The following STK39 variants were observed in gnomAD, a reference collection of about 807,000 sequenced individuals.
The protein encoded by STK39 is STE20/SPS1-related proline-alanine-rich protein kinase.
A neutral mutation model predicts 77.8 loss-of-function variants in STK39; 20 were observed. The ratio of observed to expected loss-of-function variants is 0.26; its 90% CI spans 0.18 to 0.37. The LOEUF (loss-of-function observed/expected upper bound fraction) is 0.37, where lower values mean the gene tolerates loss of function less well. Among genes scored for constraint, STK39 ranks in the 10% least tolerant of loss-of-function variants. The pLI is 1.00. For synonymous variants in STK39, 246 were observed against 234.1 expected, an observed-to-expected ratio of 1.05 and a Z score of -0.47; for missense variants, 479 against 656.5, an observed-to-expected ratio of 0.73 and a Z score of 2.95.
intron 1 of STK39, among the ~76,000 whole-genome samples, chr2:168,214,319 A>G (rs1033644701): frequency 6.6e-6 from 1 of 152,246 alleles, no homozygotes; most frequent in Non-Finnish European, 1.5e-5. Context: ...TTAGATCTCA[A>G]TAAAGATTGA....
intron 1 of STK39, among the ~76,000 whole-genome samples, chr2:168,190,119 C>A (rs1280646561): frequency 6.6e-6 from 1 of 152,162 alleles, no homozygotes; most frequent in East Asian, 1.9e-4. Context: ...TCTCCTCCGG[C>A]CTTATTATTC....
At chr2:168,029,567 G>A (rs1468689252) in intron 14 of STK39, among the ~76,000 whole-genome samples, 5 of 152,136 alleles carry the variant, frequency 3.3e-5, no homozygotes, top group Admixed American at 3.3e-4. Flanking sequence ...TACATCAGAA[G>A]CACATTGTTT....
intron 14 of STK39, among the ~76,000 whole-genome samples, chr2:168,057,242 G>C (rs1685549374): frequency 6.6e-6 from 1 of 152,174 alleles, no homozygotes. Context: ...GCCCAGGCTA[G>C]AGTGCAGTGG....
In STK39 at chr2:168,017,050, T is replaced by G; in HGVS notation, c.1422A>C (p.Pro474=). ...ELNDIRFEFT[P]GRDTADGVSQ... ...ACTTCAATTAAAACTTACCTCTTCC[T>G]GGAGTAAACTCAAATCGTATGTCAT... is the stretch of plus-strand genomic sequence containing the variant. The change falls in exon 15 of 18, where the codon CCA becomes CCC. Residue 474 remains proline (P), a synonymous_variant. Transcript: ENST00000355999. 4 of 1,605,980 alleles carry G rather than the reference T, an allele frequency of 2.5e-6. No homozygotes were observed. Among genetic ancestry groups the G allele is most frequent in the Non-Finnish European group, 3.4e-6 (4 of 1,176,034 alleles).
intron 1 of STK39, among the ~76,000 whole-genome samples, chr2:168,195,653 T>C (rs1343171191): frequency 1.3e-5 from 2 of 152,230 alleles, no homozygotes; most frequent in Admixed American, 6.5e-5. Flanking sequence ...CTTTGTTACA[T>C]GCCAAAGATA....
intron 1 of STK39, among the ~76,000 whole-genome samples, chr2:168,203,236 G>A (rs1574552243): frequency 6.6e-6 from 1 of 152,226 alleles, no homozygotes; most frequent in Middle Eastern, 3.4e-3. Flanking sequence ...AGAGTTAGAG[G>A]GGTTCTGCCT....
At chr2:168,141,195 A>G (rs1687971728) in intron 5 of STK39, among the ~76,000 whole-genome samples, 1 of 152,234 alleles carries the variant, frequency 6.6e-6, no homozygotes, top group Non-Finnish European at 1.5e-5. Flanking sequence ...CATTATATAT[A>G]GAAGTTAATT....
chr2:168,073,257 T>C (rs1685986821), intron 12 of STK39, among the ~76,000 whole-genome samples: 1 of 152,216 alleles, frequency 6.6e-6, no homozygotes, highest in African/African-American at 2.4e-5. Flanking sequence ...AGTAAGAGAT[T>C]ATCCTAAATC....
chr2:168,151,956 T>G (rs1027122968), intron 5 of STK39, among the ~76,000 whole-genome samples: 1 of 152,104 alleles, frequency 6.6e-6, no homozygotes, highest in Non-Finnish European at 1.5e-5. Flanking sequence ...TTGAACAAAA[T>G]GGCAAACCAC....
At chr2:168,174,711 T>C (rs1232515905) in intron 2 of STK39, among the ~76,000 whole-genome samples, 1 of 150,342 alleles carries the variant, frequency 6.7e-6, no homozygotes, top group Non-Finnish European at 1.5e-5. Context: ...AAAACAGAAA[T>C]AGATGGCCGG....
intron 17 of STK39, among the ~76,000 whole-genome samples, chr2:167,962,511 C>A (rs2105526191): frequency 6.6e-6 from 1 of 152,298 alleles, no homozygotes; most frequent in South Asian, 2.1e-4. Context: ...CCATCTTTAT[C>A]TTTGGGGAGA....
At chr2:168,104,448 C>T (rs969540934) in intron 10 of STK39, among the ~76,000 whole-genome samples, 3 of 152,094 alleles carry the variant, frequency 2.0e-5, no homozygotes, top group African/African-American at 7.2e-5. Context: ...AGTGTGAATA[C>T]ACCACAAAAA....
chr2:168,219,086 T>C (rs1164096523), intron 1 of STK39, among the ~76,000 whole-genome samples: 2 of 152,098 alleles, frequency 1.3e-5, no homozygotes, highest in Non-Finnish European at 2.9e-5. Flanking sequence ...TCACATAATT[T>C]GTATATTAAG....
At chr2:168,004,591 G>C (rs544232391) in intron 16 of STK39, among the ~76,000 whole-genome samples, 6 of 151,846 alleles carry the variant, frequency 4.0e-5, no homozygotes, top group Non-Finnish European at 7.4e-5. Flanking sequence ...AAATTAGCCT[G>C]ACATGGTGGT....
intron 16 of STK39, among the ~76,000 whole-genome samples, chr2:167,994,597 C>G (rs182290646): frequency 6.6e-6 from 1 of 152,302 alleles, no homozygotes; most frequent in East Asian, 1.9e-4. Flanking sequence ...GTCACTCCCC[C>G]ATTCCCACCT....
intron 1 of STK39, among the ~76,000 whole-genome samples, chr2:168,203,267 G>C (rs1017833792): frequency 7.2e-5 from 11 of 152,140 alleles, no homozygotes; most frequent in African/African-American, 2.7e-4. Context: ...AGAGAAAGGG[G>C]AGTGGGGTAA....
chr2:168,196,579 C>G (rs1260142286), intron 1 of STK39, among the ~76,000 whole-genome samples: 2 of 152,224 alleles, frequency 1.3e-5, no homozygotes, highest in Non-Finnish European at 2.9e-5. Context: ...TTGCTTGAAC[C>G]TGGGAGGCAG....
chr2:168,082,721 C>T (rs1359275038), intron 10 of STK39, among the ~76,000 whole-genome samples: 2 of 152,186 alleles, frequency 1.3e-5, no homozygotes, highest in Non-Finnish European at 1.5e-5. Flanking sequence ...CATGGCCTCC[C>T]TGACCTCATC....
chr2:168,088,362 T>C (rs1359021736), intron 10 of STK39, among the ~76,000 whole-genome samples: 1 of 152,144 alleles, frequency 6.6e-6, no homozygotes, highest in Non-Finnish European at 1.5e-5. Flanking sequence ...GGTCAATACA[T>C]AGTCAATTTT....
Sources: gnomAD v4.1 joint callset for allele counts (sites outside exome capture counted in the v4.1 genomes callset) on GRCh38, gnomAD v4.1.1 for gene constraint, MANE v1.5 for transcripts, NCBI Gene and HGNC (gene_info 2026-07-23, HGNC 2026-07-21) for gene names.